Variants in DNAJC12 observed in about 807,000 individuals in gnomAD.
DNAJC12 encodes the protein dnaJ homolog subfamily C member 12.
In DNAJC12, 25 loss-of-function variants were observed where a neutral mutation model predicts 28.5. The observed-to-expected ratio is 0.88, with a 90% CI of 0.64 to 1.22. The LOEUF (loss-of-function observed/expected upper bound fraction) is 1.22. Among genes scored for constraint, DNAJC12 ranks in the 50% most tolerant of loss-of-function variants. DNAJC12 has a pLI of 0.00. For missense variants in DNAJC12, 222 were observed against 231.7 expected (o/e 0.96, Z 0.27); for synonymous variants, 77 against 80.6 (o/e 0.95, Z 0.24).
At position 67,800,412 on chromosome 10, in the gene DNAJC12, C is replaced by T. The variant is rs79957392; in HGVS notation, c.503-3202G>A. Reference sequence around the variant, plus strand: ...ATAATATAAAACTTCTTAGAGTTATCTCACATGAGGGGTGAAGGACCTGGA... The same window carrying T: ...ATAATATAAAACTTCTTAGAGTTATTTCACATGAGGGGTGAAGGACCTGGA... On this transcript the variant is annotated intron_variant, in intron 4 of 4. Coordinates refer to ENST00000225171, the MANE Select transcript of DNAJC12 (RefSeq NM_021800.3). Among the ~76,000 whole-genome samples, 403 of 152,256 alleles carry T rather than the reference C, an allele frequency of 2.6e-3. 2 individuals are homozygous for T. Among genetic ancestry groups the T allele is most frequent in the African/African-American group, 9.3e-3 (385 of 41,540 alleles).
At chr10:67,814,048 A>C (rs1841889652) in intron 2 of DNAJC12, among the ~76,000 whole-genome samples, 1 of 151,848 alleles carries the variant, frequency 6.6e-6, no homozygotes, top group Admixed American at 6.6e-5. Context: ...AAAAAAAAAA[A>C]AACTCTTGAA....
At chr10:67,833,864 G>C (rs1271262464) in intron 1 of DNAJC12, 1 of 487,238 alleles carries the variant, frequency 2.1e-6, no homozygotes, top group South Asian at 1.5e-5. Flanking sequence ...CTCAAGTAAA[G>C]CAAGTTTTTC....
At chr10:67,813,054 T>C (rs1281461401) in intron 2 of DNAJC12, among the ~76,000 whole-genome samples, 1 of 151,724 alleles carries the variant, frequency 6.6e-6, no homozygotes, top group East Asian at 1.9e-4. Context: ...TATGTTGAAT[T>C]CTTAACTCCC....
intron 4 of DNAJC12, among the ~76,000 whole-genome samples, chr10:67,803,568 G>C (rs556789064): frequency 6.6e-6 from 1 of 152,100 alleles, no homozygotes; most frequent in Non-Finnish European, 1.5e-5. Context: ...GGAAAATTTC[G>C]TAGAATCCTA....
At chr10:67,806,064 A>G (rs1020526975) in intron 3 of DNAJC12, among the ~76,000 whole-genome samples, 8 of 152,340 alleles carry the variant, frequency 5.3e-5, no homozygotes, top group African/African-American at 1.7e-4. Flanking sequence ...AGATGGATGA[A>G]TGAATGGAGG....
chr10:67,815,532 AG>A (rs1841907291), intron 2 of DNAJC12, among the ~76,000 whole-genome samples: 1 of 151,340 alleles, frequency 6.6e-6, no homozygotes, highest in Non-Finnish European at 1.5e-5. Context: ...AAAAAAGAAA[AG>A]AAAAAAAAAG....
chr10:67,823,447 CG>C, intron 1 of DNAJC12, 55 bp from the exon 2 acceptor site: 1 of 1,487,570 alleles, frequency 6.7e-7, no homozygotes, highest in Middle Eastern at 1.7e-4. Flanking sequence ...CAGTGACTCA[CG>C]CCTATAATCT....
intron 1 of DNAJC12, among the ~76,000 whole-genome samples, chr10:67,828,269 G>GTATGTGTGTGTATATA (rs1385643591): frequency 6.6e-6 from 1 of 152,136 alleles, no homozygotes; most frequent in African/African-American, 2.4e-5. Flanking sequence ...ATATATGTTT[G>GTATGTGTGTGTATATA]TATGTGTGTG....
rs369958280 is a variant in DNAJC12 at position 67,831,719 on chromosome 10, G to C, written c.78+6215C>G. 1.1e-4 allele frequency among the ~76,000 whole-genome samples: 17 copies of C among 152,272 alleles called. No homozygotes were observed. In the South Asian group the frequency reaches 3.3e-3, roughly 30 times the overall value. On this transcript the variant is annotated intron_variant, in intron 1 of 4. Transcript: ENST00000225171. ...TGTATTAGCTTTGGCTCCTCAATTG[G>C]ATACCAGGTTCTTTATACACTAGCA... is the stretch of plus-strand genomic sequence containing the variant.
In DNAJC12 at chr10:67,808,965, C is replaced by T. The variant is rs534913186; in HGVS notation, c.297+2559G>A. Among the ~76,000 whole-genome samples the T allele has an allele frequency of 1.2e-4, 19 of 152,218 alleles. No homozygotes were observed. The South Asian group carries it at 2.9e-3, about 23-fold the overall frequency. The stretch of plus-strand genomic sequence containing the variant: ...ATAGGTAGTCTATGGCCAGTTGAAC[C>T]CACCCCAAAGACACCTTGCCCAGCT... On this transcript the variant is annotated intron_variant, in intron 3 of 4. Transcript: ENST00000225171.
chr10:67,831,179 A>C (rs557493496), intron 1 of DNAJC12, among the ~76,000 whole-genome samples: 1 of 152,276 alleles, frequency 6.6e-6, no homozygotes, highest in East Asian at 1.9e-4. Context: ...CAGGGTGAGA[A>C]TCTGTCTCAA....
intron 2 of DNAJC12, among the ~76,000 whole-genome samples, chr10:67,812,663 T>G: frequency 7.1e-6 from 1 of 139,936 alleles, no homozygotes; most frequent in African/African-American, 2.7e-5. Flanking sequence ...GCCAAGATGG[T>G]GAAACCCCAT....
At chr10:67,834,408 A>G (rs1211525563) in intron 1 of DNAJC12, among the ~76,000 whole-genome samples, 1 of 152,228 alleles carries the variant, frequency 6.6e-6, no homozygotes, top group African/African-American at 2.4e-5. Flanking sequence ...AACAGCCACA[A>G]CCACAACCAC....
At chr10:67,831,077 A>G (rs1361139582) in intron 1 of DNAJC12, among the ~76,000 whole-genome samples, 1 of 152,156 alleles carries the variant, frequency 6.6e-6, no homozygotes, top group Non-Finnish European at 1.5e-5. Flanking sequence ...AGTCCCAGCT[A>G]CTTGGGAGGC....
intron 4 of DNAJC12, among the ~76,000 whole-genome samples, chr10:67,802,093 G>C (rs1468587960): frequency 6.6e-6 from 1 of 151,722 alleles, no homozygotes; most frequent in Non-Finnish European, 1.5e-5. Flanking sequence ...CGAACTCCTG[G>C]ACTCAAGCGA....
At chr10:67,817,766 T>C (rs1035806215) in intron 2 of DNAJC12, among the ~76,000 whole-genome samples, 2 of 151,718 alleles carry the variant, frequency 1.3e-5, no homozygotes, top group African/African-American at 4.8e-5. Context: ...TAGCTCCGGC[T>C]ACTCAAGAGG....
chr10:67,826,931 C>T (rs1271588325), intron 1 of DNAJC12, among the ~76,000 whole-genome samples: 2 of 124,668 alleles, frequency 1.6e-5, no homozygotes, highest in African/African-American at 2.9e-5. Flanking sequence ...ATATATATAT[C>T]ATGATATATA....
Position 67,805,588 on chromosome 10 carries a change from G to A in DNAJC12, c.497C>T (p.Ser166Phe). 1 of 1,605,388 alleles carries A rather than the reference G, an allele frequency of 6.2e-7. No individual in the cohort carries two copies. ...EKSVSPQNSD[S>F]SGFADVNGWH... ...AGTTATATAACGTGACTTACCTGAA[G>A]AATCTGAATTTTGCGGGGAGACTGA... The change falls in exon 4 of 5, where the codon TCT becomes TTT. Residue 166 changes from serine to phenylalanine, a missense_variant. By Grantham distance (155) the Ser-to-Phe change is radical. Coordinates refer to ENST00000225171, the MANE Select transcript of DNAJC12 (RefSeq NM_021800.3).
intron 2 of DNAJC12, among the ~76,000 whole-genome samples, chr10:67,818,688 C>T (rs1001273198): frequency 6.6e-6 from 1 of 151,402 alleles, no homozygotes; most frequent in African/African-American, 2.4e-5. Context: ...CACAATTTCA[C>T]TCTTGCTACC....
Sources: gnomAD v4.1 joint callset for allele counts (sites outside exome capture counted in the v4.1 genomes callset) on GRCh38, gnomAD v4.1.1 for gene constraint, MANE v1.5 for transcripts, NCBI Gene and HGNC (gene_info 2026-07-23, HGNC 2026-07-21) for gene names.